Variants in PITPNC1 observed in about 807,000 individuals in gnomAD.
PITPNC1 encodes cytoplasmic phosphatidylinositol transfer protein 1.
In PITPNC1, 18 loss-of-function variants were observed where a neutral mutation model predicts 44.7. The ratio of observed to expected loss-of-function variants is 0.40; its 90% CI spans 0.28 to 0.60. The LOEUF (loss-of-function observed/expected upper bound fraction) is 0.60. Among genes scored for constraint, PITPNC1 ranks in the 20% least tolerant of loss-of-function variants. The probability of loss-of-function intolerance (pLI) is 0.39; values close to 1 mark genes in which losing one functional copy is unlikely to be tolerated. For synonymous variants in PITPNC1, 141 were observed against 149.6 expected, an observed-to-expected ratio of 0.94 and a Z score of 0.42; for missense variants, 290 against 418.4, an observed-to-expected ratio of 0.69 and a Z score of 2.68.
intron 1 of PITPNC1, among the ~76,000 whole-genome samples, chr17:67,506,472 A>G (rs1194291506): frequency 6.6e-6 from 1 of 152,186 alleles, no homozygotes; most frequent in African/African-American, 2.4e-5. Flanking sequence ...GGTGTAACTG[A>G]CTTTTAATTG....
intron 1 of PITPNC1, among the ~76,000 whole-genome samples, chr17:67,406,924 A>G (rs2038409800): frequency 6.6e-6 from 1 of 152,154 alleles, no homozygotes; most frequent in East Asian, 1.9e-4. Flanking sequence ...GGATATACAT[A>G]TATATTTCGG....
chr17:67,549,959 G>A (rs1053646578), intron 2 of PITPNC1, among the ~76,000 whole-genome samples: 6 of 152,054 alleles, frequency 3.9e-5, no homozygotes, highest in Non-Finnish European at 8.8e-5. Flanking sequence ...ATTGCGCTAG[G>A]GTGTGGGGGC....
At chr17:67,497,543 T>TTG (rs1675271273) in intron 1 of PITPNC1, among the ~76,000 whole-genome samples, 3 of 146,380 alleles carry the variant, frequency 2.0e-5, no homozygotes, top group Non-Finnish European at 4.5e-5. Flanking sequence ...TTTTTTTTTT[T>TTG]TTTTTTGAGA....
At chr17:67,599,406 A>G (rs1487498869) in intron 5 of PITPNC1, among the ~76,000 whole-genome samples, 1 of 152,158 alleles carries the variant, frequency 6.6e-6, no homozygotes, top group Non-Finnish European at 1.5e-5. Flanking sequence ...GATATTACCC[A>G]AAGGATACAT....
At chr17:67,684,197 C>T (rs972033790) in intron 8 of PITPNC1, among the ~76,000 whole-genome samples, 3 of 149,680 alleles carry the variant, frequency 2.0e-5, no homozygotes, top group South Asian at 4.2e-4. Context: ...CTGCAGCCTC[C>T]GTCTCCCAGG....
intron 5 of PITPNC1, chr17:67,613,486 G>T (rs187185241): frequency 2.6e-5 from 4 of 152,232 alleles, no homozygotes; most frequent in East Asian, 3.9e-4. Context: ...AAAAGGAAAG[G>T]TCTTAAACAT....
intron 1 of PITPNC1, among the ~76,000 whole-genome samples, chr17:67,439,763 G>C (rs908835839): frequency 6.6e-6 from 1 of 152,006 alleles, no homozygotes; most frequent in African/African-American, 2.4e-5. Flanking sequence ...TCTTTTTTAA[G>C]TATGCTTAAA....
intron 1 of PITPNC1, among the ~76,000 whole-genome samples, chr17:67,407,886 C>T (rs73338106): frequency 0.022 from 3,412 of 152,182 alleles, 137 homozygotes; most frequent in African/African-American, 0.078. Flanking sequence ...GGTTTGAGAG[C>T]GGCACATCTC....
intron 1 of PITPNC1, among the ~76,000 whole-genome samples, chr17:67,444,677 G>A (rs1414753670): frequency 6.6e-6 from 1 of 151,992 alleles, no homozygotes; most frequent in Non-Finnish European, 1.5e-5. Context: ...CAGGAGGATC[G>A]CCCAAGGTCA....
At chr17:67,494,036 T>A (rs1489520468) in intron 1 of PITPNC1, among the ~76,000 whole-genome samples, 1 of 152,102 alleles carries the variant, frequency 6.6e-6, no homozygotes, top group Non-Finnish European at 1.5e-5. Flanking sequence ...AGACAAACCA[T>A]CCCCTGTCCT....
chr17:67,675,635 A>G (rs543835318), intron 8 of PITPNC1, 93 bp downstream of exon 8: 22 of 829,492 alleles, frequency 2.7e-5, no homozygotes, highest in South Asian at 2.5e-4. Flanking sequence ...TAGAAGGACA[A>G]CAACAAAGGC....
chr17:67,405,688 T>C (rs11868503), intron 1 of PITPNC1, among the ~76,000 whole-genome samples: 76,560 of 151,040 alleles, frequency 0.51, 20,316 homozygotes, highest in African/African-American at 0.67. Flanking sequence ...TTACTGCAAC[T>C]TCTGCCTCCT....
At chr17:67,539,057 T>C (rs1261721177) in intron 2 of PITPNC1, among the ~76,000 whole-genome samples, 1 of 151,618 alleles carries the variant, frequency 6.6e-6, no homozygotes, top group African/African-American at 2.4e-5. Flanking sequence ...GAATGGCTAA[T>C]ATAAACATGA....
chr17:67,461,079 C>G (rs1327642749), intron 1 of PITPNC1, among the ~76,000 whole-genome samples: 1 of 152,088 alleles, frequency 6.6e-6, no homozygotes, highest in Non-Finnish European at 1.5e-5. Flanking sequence ...GTGTTGCACT[C>G]TGAGTCTCTT....
Position 67,532,869 on chromosome 17 carries a change from T to C in PITPNC1, c.116T>C (p.Val39Ala). The change falls in exon 2 of 9, where the codon GTG becomes GCG. Residue 39 changes from valine to alanine, a missense_variant. Coordinates refer to ENST00000581322, the MANE Select transcript of PITPNC1 (RefSeq NM_012417.4). Reference sequence around the variant, plus strand: ...GAACAGAGTGACCGGGGAGAAGGGGTGGAGGTCGTCCAGAATGAGCCCTTT... The same window carrying C: ...GAACAGAGTGACCGGGGAGAAGGGGCGGAGGTCGTCCAGAATGAGCCCTTT... ...SHEQSDRGEG[V>A]EVVQNEPFED... is the part of the protein sequence containing the mutation. The C allele has an allele frequency of 6.2e-7, 1 of 1,601,814 alleles. No homozygotes were observed. Among genetic ancestry groups the C allele is most frequent in the East Asian group, 2.2e-5 (1 of 44,486 alleles).
chr17:67,616,745 T>C (rs993871104), intron 5 of PITPNC1, among the ~76,000 whole-genome samples: 2 of 152,204 alleles, frequency 1.3e-5, no homozygotes, highest in Non-Finnish European at 2.9e-5. Flanking sequence ...CTATCCACTT[T>C]GTTATCCTTT....
At chr17:67,665,293 A>G (rs779227323) in intron 6 of PITPNC1, among the ~76,000 whole-genome samples, 9 of 152,110 alleles carry the variant, frequency 5.9e-5, no homozygotes, top group African/African-American at 1.4e-4. Flanking sequence ...GGGTTTTGCC[A>G]TGTTGCCCAG....
At position 67,605,246 on chromosome 17, in the gene PITPNC1, G is replaced by A. The variant is rs560349248; in HGVS notation, c.367-26897G>A. On this transcript the variant is annotated intron_variant, in intron 5 of 8. Coordinates refer to ENST00000581322, the MANE Select transcript of PITPNC1 (RefSeq NM_012417.4). Reference sequence around the variant, plus strand: ...TCATAGTCCCTATGTGCCTTCCTCAGCTGAGATCAAGTGCCAAAGGACATC... The same window carrying A: ...TCATAGTCCCTATGTGCCTTCCTCAACTGAGATCAAGTGCCAAAGGACATC... Among the ~76,000 whole-genome samples the A allele has an allele frequency of 3.0e-4, 45 of 152,266 alleles. 2 individuals are homozygous for A. The South Asian group carries it at 8.7e-3, about 30-fold the overall frequency.
intron 2 of PITPNC1, among the ~76,000 whole-genome samples, chr17:67,548,827 G>C (rs2040719299): frequency 1.3e-5 from 2 of 152,092 alleles, no homozygotes; most frequent in Non-Finnish European, 2.9e-5. Flanking sequence ...AGAGGCTCTT[G>C]TTTGACACTT....
Sources: gnomAD v4.1 joint callset for allele counts (sites outside exome capture counted in the v4.1 genomes callset) on GRCh38, gnomAD v4.1.1 for gene constraint, MANE v1.5 for transcripts, NCBI Gene and HGNC (gene_info 2026-07-23, HGNC 2026-07-21) for gene names.